VAT1L: variants seen among roughly 807,000 people sequenced by gnomAD.
The protein encoded by VAT1L is putative NADPH-dependent quinone oxidoreductase VAT1L.
In VAT1L, 34 loss-of-function variants were observed where a neutral mutation model predicts 44.1. The ratio of observed to expected loss-of-function variants is 0.77; its 90% CI spans 0.59 to 1.03. VAT1L has a LOEUF of 1.03. VAT1L is among the 50% of genes least tolerant of loss of function. VAT1L has a pLI of 0.00. For missense variants in VAT1L, 615 were observed against 538.8 expected, an observed-to-expected ratio of 1.14 and a Z score of -1.40; for synonymous variants, 253 against 202.2, an observed-to-expected ratio of 1.25 and a Z score of -2.13.
intron 1 of VAT1L, 109 bp downstream of exon 1, chr16:77,789,024 A>C: frequency 7.7e-7 from 1 of 1,292,332 alleles, no homozygotes; most frequent in South Asian, 1.6e-5. Flanking sequence ...CGCCGCGCGC[A>C]CCCCCTCCGC....
rs901077747 is a variant in VAT1L at position 77,816,863 on chromosome 16, G to A, written c.234-58G>A. 84 of 1,505,814 alleles carry A rather than the reference G, an allele frequency of 5.6e-5. 3 individuals are homozygous for A. The South Asian group carries it at 8.3e-4, about 15-fold the overall frequency. 93.3% of individuals were successfully genotyped at this position (1,505,814 alleles called of 1,614,324 possible). A position where few individuals can be genotyped will look rare whatever the true frequency, so the allele number is the denominator to read the frequency against. ...AAAAGAAAGAAAAGAAAACCAGGTC[G>A]GTGCTTTCTTTTGGATCTCATTTTG... On this transcript the variant is annotated intron_variant, in intron 1 of 8. Transcript: ENST00000302536.
chr16:77,921,770 A>G lies in VAT1L; in HGVS notation c.1077+36968A>G, dbSNP rs182178053. 2.8e-3 allele frequency among the ~76,000 whole-genome samples: 424 copies of G among 152,206 alleles called. 5 individuals are homozygous for G. Among genetic ancestry groups the G allele is most frequent in the African/African-American group, 9.8e-3 (409 of 41,536 alleles). ...CACTTTTTTTTCTTTTTGAGACAGGATCTCACTCTGTTGGCCGGGCTGGAG... is the reference window on the plus strand; with the variant it reads ...CACTTTTTTTTCTTTTTGAGACAGGGTCTCACTCTGTTGGCCGGGCTGGAG... On this transcript the variant is annotated intron_variant, in intron 7 of 8. Transcript: ENST00000302536.
At chr16:77,862,632 A>AG (rs1287531139) in intron 3 of VAT1L, 116 bp from the exon 4 acceptor site, 3 of 1,027,048 alleles carry the variant, frequency 2.9e-6, no homozygotes, top group Admixed American at 6.4e-5. Context: ...CTAAAAAAAA[A>AG]AAAAAAAAAA....
At chr16:77,960,669 A>G (rs751904105) in intron 7 of VAT1L, among the ~76,000 whole-genome samples, 16 of 152,168 alleles carry the variant, frequency 1.1e-4, no homozygotes, top group Non-Finnish European at 1.9e-4. Context: ...AGCCCAGTAG[A>G]TATAGTCCAT....
At chr16:77,960,353 G>A (rs1466328939) in intron 7 of VAT1L, among the ~76,000 whole-genome samples, 2 of 152,118 alleles carry the variant, frequency 1.3e-5, no homozygotes, top group African/African-American at 4.8e-5. Context: ...CTTAGCTGGG[G>A]TTCTAAAGGT....
chr16:77,848,852 A>T (rs991624468), intron 3 of VAT1L, among the ~76,000 whole-genome samples: 81 of 152,208 alleles, frequency 5.3e-4, no homozygotes, highest in Non-Finnish European at 1.0e-3. Flanking sequence ...ATGGAATACC[A>T]TGCAGCCATA....
Position 77,880,298 on chromosome 16 carries a change from A to G in VAT1L, c.882+1074A>G, listed in dbSNP as rs191200524. Among the ~76,000 whole-genome samples the G allele has an allele frequency of 6.1e-3, 932 of 152,144 alleles. 4 individuals are homozygous for G. Among genetic ancestry groups the G allele is most frequent in the Non-Finnish European group, 8.9e-3 (605 of 68,006 alleles). On this transcript the variant is annotated intron_variant, in intron 6 of 8. Coordinates refer to ENST00000302536, the MANE Select transcript of VAT1L (RefSeq NM_020927.3). ...CAGCCTCCCAAGTAGCTGGGATTAC[A>G]GGTGTGTGCCACTATACCCAGCGAA...
chr16:77,878,900 C>A (rs1399401009), intron 5 of VAT1L, among the ~76,000 whole-genome samples: 1 of 152,090 alleles, frequency 6.6e-6, no homozygotes, highest in African/African-American at 2.4e-5. Flanking sequence ...AAACGTTGGC[C>A]TACATCATAT....
At chr16:77,933,524 C>G (rs1211626102) in intron 7 of VAT1L, among the ~76,000 whole-genome samples, 2 of 151,954 alleles carry the variant, frequency 1.3e-5, no homozygotes, top group Non-Finnish European at 2.9e-5. Flanking sequence ...GAAAAATGGT[C>G]AAATAATTTC....
chr16:77,977,793 A>C lies in VAT1L; in HGVS notation c.*98A>C. On this transcript the variant is annotated 3_prime_UTR_variant, in exon 9 of 9. Coordinates refer to ENST00000302536, the MANE Select transcript of VAT1L (RefSeq NM_020927.3). ...CCCCAGTGAACAAATGCTGTAGTCCAGTGCGTGTCGTGTTTGTCTGCAGTC... is the reference window on the plus strand; with the variant it reads ...CCCCAGTGAACAAATGCTGTAGTCCCGTGCGTGTCGTGTTTGTCTGCAGTC... The C allele has an allele frequency of 8.4e-7, 1 of 1,191,458 alleles. No individual in the cohort carries two copies. The highest frequency in any genetic ancestry group is 2.1e-5 in the Admixed American group (1 of 48,218). 73.8% of individuals were successfully genotyped at this position (1,191,458 alleles called of 1,614,324 possible). A position where few individuals can be genotyped will look rare whatever the true frequency, so the allele number is the denominator to read the frequency against.
intron 7 of VAT1L, among the ~76,000 whole-genome samples, chr16:77,968,040 G>C (rs565310556): frequency 6.6e-6 from 1 of 152,106 alleles, no homozygotes; most frequent in African/African-American, 2.4e-5. Context: ...GTAAAATGGG[G>C]ATATATTTTG....
chr16:77,817,133 GAAAT>G, intron 2 of VAT1L, 83 bp downstream of exon 2: 3 of 1,546,676 alleles, frequency 1.9e-6, no homozygotes, highest in Non-Finnish European at 2.6e-6. Flanking sequence ...AGAAATGTCT[GAAAT>G]AACCTATGGC....
At chr16:77,881,638 T>C (rs926025920) in intron 6 of VAT1L, among the ~76,000 whole-genome samples, 1 of 152,342 alleles carries the variant, frequency 6.6e-6, no homozygotes, top group African/African-American at 2.4e-5. Flanking sequence ...TGGATAATAC[T>C]CCCTGCATTT....
intron 4 of VAT1L, among the ~76,000 whole-genome samples, chr16:77,863,273 C>G (rs2016935399): frequency 6.6e-6 from 1 of 152,198 alleles, no homozygotes; most frequent in Admixed American, 6.5e-5. Flanking sequence ...CCACTATTGT[C>G]TTGGGTCTAA....
chr16:77,840,686 G>C (rs755421577), intron 3 of VAT1L, among the ~76,000 whole-genome samples: 3 of 152,030 alleles, frequency 2.0e-5, no homozygotes, highest in African/African-American at 7.3e-5. Flanking sequence ...GTTTACTCCC[G>C]TGGTAGGACA....
At chr16:77,862,328 A>T (rs2016922753) in intron 3 of VAT1L, among the ~76,000 whole-genome samples, 1 of 152,166 alleles carries the variant, frequency 6.6e-6, no homozygotes, top group Admixed American at 6.5e-5. Flanking sequence ...AACCTTAAAA[A>T]GGCCCCCCGG....
chr16:77,936,096 G>A (rs2017792579), intron 7 of VAT1L, among the ~76,000 whole-genome samples: 1 of 152,196 alleles, frequency 6.6e-6, no homozygotes, highest in South Asian at 2.1e-4. Context: ...AGGTTGTGGG[G>A]AGACTATCGC....
chr16:77,967,500 G>C (rs1000174414), intron 7 of VAT1L, among the ~76,000 whole-genome samples: 1 of 152,174 alleles, frequency 6.6e-6, no homozygotes, highest in Non-Finnish European at 1.5e-5. Context: ...CCTAACAAGA[G>C]GATAGAAATG....
chr16:77,844,653 G>T (rs192866099), intron 3 of VAT1L, among the ~76,000 whole-genome samples: 1 of 151,992 alleles, frequency 6.6e-6, no homozygotes, highest in African/African-American at 2.4e-5. Flanking sequence ...AGGTGATCCA[G>T]CCGTCTTAGC....
Sources: allele counts gnomAD v4.1 joint callset (sites outside exome capture counted in the v4.1 genomes callset), GRCh38; gene constraint gnomAD v4.1.1; transcripts MANE v1.5; gene names NCBI Gene and HGNC (gene_info 2026-07-23, HGNC 2026-07-21).